Variants in SH3BP5 observed in about 807,000 individuals in gnomAD.
SH3BP5 encodes SH3 domain binding protein 5, also known as SH3 domain-binding protein 5.
Under a neutral mutation model 43.3 loss-of-function variants are expected in SH3BP5, and 22 were observed. That is an observed-to-expected ratio of 0.51 (90% CI 0.36 to 0.73). The LOEUF (loss-of-function observed/expected upper bound fraction) is 0.73, where lower values mean the gene tolerates loss of function less well. Among genes scored for constraint, SH3BP5 ranks in the 30% least tolerant of loss-of-function variants. The probability of loss-of-function intolerance (pLI) is 0.00; values close to 1 mark genes in which losing one functional copy is unlikely to be tolerated. For missense variants in SH3BP5, 529 were observed against 586.9 expected (o/e 0.90, Z 1.02); for synonymous variants, 255 against 225.8 (o/e 1.13, Z -1.16).
intron 2 of SH3BP5, among the ~76,000 whole-genome samples, chr3:15,306,044 T>A (rs1575332484): frequency 1.6e-5 from 2 of 126,194 alleles, no homozygotes; most frequent in African/African-American, 3.6e-5. Flanking sequence ...GAAGGACACA[T>A]GCATGAGTTT....
upstream of SH3BP5, among the ~76,000 whole-genome samples, chr3:15,337,232 C>G (rs1464636161): frequency 6.6e-6 from 1 of 151,540 alleles, no homozygotes; most frequent in Non-Finnish European, 1.5e-5. Context: ...TTATAGGCGC[C>G]TGCCACCACA....
intron 3 of SH3BP5, among the ~76,000 whole-genome samples, chr3:15,288,593 A>G (rs1220764886): frequency 6.6e-6 from 1 of 152,210 alleles, no homozygotes; most frequent in Non-Finnish European, 1.5e-5. Context: ...ACCCGTCTCT[A>G]CTAAAAATAC....
Position 15,332,534 on chromosome 3 carries a change from C to A in SH3BP5, c.-126G>T, listed in dbSNP as rs1425883011. ...GGTCGGGGAGCCGCCGGGGCCGACA[C>A]CCGGGAGACGCAGCTCGCCGATGCG... On this transcript the variant is annotated 5_prime_UTR_variant, in exon 1 of 9. Transcript: ENST00000383791. The A allele has an allele frequency of 1.8e-5, 23 of 1,245,092 alleles. No homozygotes were observed. Among genetic ancestry groups the A allele is most frequent in the Non-Finnish European group, 2.3e-5 (23 of 997,458 alleles). The allele number at this position is 1,245,092 out of a possible 1,614,324, so 77.1% of individuals were successfully genotyped here. A position where few individuals can be genotyped will look rare whatever the true frequency, so the allele number is the denominator to read the frequency against.
At chr3:15,256,715 A>G in intron 8 of SH3BP5, 138 bp downstream of exon 8, 2 of 1,029,152 alleles carry the variant, frequency 1.9e-6, no homozygotes, top group Non-Finnish European at 2.8e-6. Context: ...CTCAGTGATC[A>G]ATACTGACAG....
intron 3 of SH3BP5, among the ~76,000 whole-genome samples, chr3:15,270,418 C>T (rs1559431223): frequency 6.6e-6 from 1 of 152,214 alleles, no homozygotes; most frequent in East Asian, 1.9e-4. Context: ...TCCAGCCCAG[C>T]ACTGTCACTC....
intron 2 of SH3BP5, among the ~76,000 whole-genome samples, chr3:15,315,981 TACA>T (rs1698174763): frequency 6.6e-6 from 1 of 152,146 alleles, no homozygotes; most frequent in Non-Finnish European, 1.5e-5. Context: ...TTAACATTGG[TACA>T]ACGCTATTAA....
At chr3:15,325,832 C>T (rs74892187) in intron 2 of SH3BP5, among the ~76,000 whole-genome samples, 4,496 of 152,226 alleles carry the variant, frequency 0.03, 84 homozygotes, top group South Asian at 0.082. Context: ...ACCGGCCTGG[C>T]CAACATTGCA....
chr3:15,267,502 G>C (rs1696677534), intron 4 of SH3BP5, among the ~76,000 whole-genome samples: 1 of 152,210 alleles, frequency 6.6e-6, no homozygotes, highest in Non-Finnish European at 1.5e-5. Flanking sequence ...GGAAATCCTG[G>C]CATGTGACCC....
chr3:15,282,058 T>C (rs1697146265), intron 3 of SH3BP5, among the ~76,000 whole-genome samples: 1 of 152,134 alleles, frequency 6.6e-6, no homozygotes, highest in South Asian at 2.1e-4. Flanking sequence ...CTGGCATTGA[T>C]TTGACCAGGA....
chr3:15,294,700 T>C (rs535913634), intron 3 of SH3BP5, among the ~76,000 whole-genome samples: 2 of 152,194 alleles, frequency 1.3e-5, no homozygotes, highest in Admixed American at 6.5e-5. Flanking sequence ...TAATACATCA[T>C]TAGCGCTCAA....
intron 2 of SH3BP5, among the ~76,000 whole-genome samples, chr3:15,327,161 G>A (rs540709309): frequency 2.6e-5 from 4 of 152,008 alleles, no homozygotes; most frequent in South Asian, 4.2e-4. Flanking sequence ...GGGGGGTAGC[G>A]ACGACACGAG....
intron 3 of SH3BP5, among the ~76,000 whole-genome samples, chr3:15,288,703 G>A (rs1307543775): frequency 6.6e-6 from 1 of 152,170 alleles, no homozygotes; most frequent in Non-Finnish European, 1.5e-5. Flanking sequence ...TTGCACCACT[G>A]CACTCCAGCC....
intron 3 of SH3BP5, among the ~76,000 whole-genome samples, chr3:15,292,326 GC>G (rs1401330933): frequency 6.6e-6 from 1 of 152,130 alleles, no homozygotes; most frequent in Non-Finnish European, 1.5e-5. Context: ...AACACTGCCT[GC>G]CCAGCAGCAC....
At chr3:15,327,322 C>T (rs1476232642) in intron 2 of SH3BP5, among the ~76,000 whole-genome samples, 1 of 152,160 alleles carries the variant, frequency 6.6e-6, no homozygotes, top group African/African-American at 2.4e-5. Flanking sequence ...CTGGCTTGAA[C>T]CCGGGAGGCA....
intron 3 of SH3BP5, among the ~76,000 whole-genome samples, chr3:15,284,933 C>T (rs1431104606): frequency 6.6e-6 from 1 of 152,164 alleles, no homozygotes; most frequent in Non-Finnish European, 1.5e-5. Context: ...AGACCCAGGA[C>T]CTTTGGAGTT....
chr3:15,296,694 CTTTTTT>C (rs370273754), intron 3 of SH3BP5, among the ~76,000 whole-genome samples: 1 of 124,966 alleles, frequency 8.0e-6, no homozygotes, highest in African/African-American at 3.5e-5. Flanking sequence ...AGTGTTTTTC[CTTTTTT>C]TTTTTTTTTT....
At chr3:15,280,945 C>G (rs1697111299) in intron 3 of SH3BP5, among the ~76,000 whole-genome samples, 1 of 152,226 alleles carries the variant, frequency 6.6e-6, no homozygotes, top group South Asian at 2.1e-4. Context: ...CTGGTCATTG[C>G]CTGACATTGT....
chr3:15,339,812 TGCACAAC>T (rs1262922378), intron 1 of SH3BP5: 1 of 150,864 alleles, frequency 6.6e-6, no homozygotes, highest in Non-Finnish European at 1.5e-5. Context: ...GCACGGCCCC[TGCACAAC>T]CATGACATGC....
chr3:15,290,299 C>A (rs139198499), intron 3 of SH3BP5, among the ~76,000 whole-genome samples: 1 of 151,846 alleles, frequency 6.6e-6, no homozygotes, highest in Admixed American at 6.6e-5. Context: ...GAGGCCAAGG[C>A]GGGCAGATCA....
Sources: gnomAD v4.1 joint callset for allele counts (sites outside exome capture counted in the v4.1 genomes callset) on GRCh38, gnomAD v4.1.1 for gene constraint, MANE v1.5 for transcripts, NCBI Gene and HGNC (gene_info 2026-07-23, HGNC 2026-07-21) for gene names.